SLC34A3: variants seen among roughly 807,000 people sequenced by gnomAD.
The protein encoded by SLC34A3 is sodium-dependent phosphate transport protein 2C.
SLC34A3 carries 60 observed loss-of-function variants against 43.9 expected under a neutral mutation model. The ratio of observed to expected loss-of-function variants is 1.37; its 90% CI spans 1.11 to 1.70. SLC34A3 has a LOEUF of 1.70. Ranked by LOEUF, SLC34A3 falls within the 40% of genes most tolerant of loss-of-function variation. The probability of loss-of-function intolerance (pLI) is 0.00; values close to 1 mark genes in which losing one functional copy is unlikely to be tolerated. For missense variants in SLC34A3, 969 were observed against 823.8 expected (o/e 1.18, Z -2.16); for synonymous variants, 451 against 386.2 (o/e 1.17, Z -1.97).
chr9:137,232,580 C>T lies in SLC34A3; in HGVS notation c.181C>T (p.Arg61Cys), dbSNP rs750340368. ...AGCCTGCCCTGTGTCCTCAGAGCTC[C>T]GCGTGGCCGGCAGGCTGCGCCGCGT... ...KDTSQPWKEL[R>C]VAGRLRRVAG... is the part of the protein sequence containing the mutation. Residue 61 changes from arginine (R) to cysteine (C), a missense_variant, in exon 4 of 13, where the codon CGC (arginine) becomes TGC (cysteine). By Grantham distance (180) the Arg-to-Cys change is radical. Coordinates refer to ENST00000673835, the MANE Select transcript of SLC34A3 (RefSeq NM_001177316.2). 1.5e-5 allele frequency: 24 copies of T among 1,608,924 alleles called. No individual in the cohort carries two copies. The highest frequency in any genetic ancestry group is 9.4e-5 in the African/African-American group (7 of 74,188).
At chr9:137,233,779 T>TTTG in intron 8 of SLC34A3, 57 bp downstream of exon 8, 1 of 1,445,804 alleles carries the variant, frequency 6.9e-7, no homozygotes. Flanking sequence ...TGCTGAGTCA[T>TTTG]CCCGCCCCAC....
intron 12 of SLC34A3, among the ~76,000 whole-genome samples, chr9:137,235,669 G>A (rs978458578): frequency 3.3e-5 from 5 of 152,202 alleles, no homozygotes; most frequent in African/African-American, 9.7e-5. Flanking sequence ...GAGCCAGGTC[G>A]GAAGGTGCTT....
intron 3 of SLC34A3, 147 bp from the exon 4 acceptor site, chr9:137,232,428 G>T: frequency 8.3e-7 from 1 of 1,204,988 alleles, no homozygotes; most frequent in Admixed American, 2.1e-5. Flanking sequence ...AGGAACCCGG[G>T]CCCTGCCCTG....
rs766680009 is a variant in SLC34A3, at chr9:137,234,456, C to A, written c.1134C>A (p.Ala378=). The change falls in exon 11 of 13, where the codon GCC becomes GCA. Residue 378 remains alanine, a synonymous_variant. Coordinates refer to ENST00000673835, the MANE Select transcript of SLC34A3 (RefSeq NM_001177316.2). This position sits in a 1 kb window ranked among gnomAD's most constrained non-coding sequence, Gnocchi z 6.9. The part of the protein sequence containing the change: ...FPLGWLGGYL[A]VLAGAGLTFA... Reference sequence around the variant, plus strand: ...TGGGCTGGCTCGGCGGCTACCTGGCCGTCCTCGCGGGCGCCGGCCTGACCT... The same window carrying A: ...TGGGCTGGCTCGGCGGCTACCTGGCAGTCCTCGCGGGCGCCGGCCTGACCT... The A allele has an allele frequency of 6.3e-7, 1 of 1,599,634 alleles. No homozygotes were observed. The highest frequency in any genetic ancestry group is 1.3e-5 in the African/African-American group (1 of 74,992).
At position 137,236,030 on chromosome 9, in the gene SLC34A3, C is replaced by T. The variant is rs767464924; in HGVS notation, c.1414C>T (p.Pro472Ser). Residue 472 changes from proline to serine, a missense_variant, in exon 13 of 13, where the codon CCG (proline) becomes TCG (serine). Physicochemically the swap from Pro to Ser is moderately conservative, Grantham distance 74. Transcript: ENST00000673835. ...YLVPALRLPIPLARHFGVVTA... is the reference protein window; with the variant it reads ...YLVPALRLPISLARHFGVVTA... The stretch of plus-strand genomic sequence containing the variant: ...GGTGCCTGCACTGCGGCTGCCCATC[C>T]CGCTGGCCAGGCACTTCGGGGTGGT... 6.8e-6 allele frequency: 11 copies of T among 1,612,654 alleles called. No individual in the cohort carries two copies. Among genetic ancestry groups the T allele is most frequent in the Non-Finnish European group, 9.3e-6 (11 of 1,179,878 alleles).
chr9:137,235,838 G>A lies in SLC34A3; in HGVS notation c.1336-114G>A, dbSNP rs573780514. 5.0e-5 allele frequency: 48 copies of A among 952,716 alleles called. No homozygotes were observed. In the Middle Eastern group the frequency reaches 9.9e-4, roughly 20 times the overall value. 59.0% of individuals were successfully genotyped at this position (952,716 alleles called of 1,614,324 possible). ...AGACGGCCATCTCATCCGTGAAGCAGGATGAACTTCAGACTTGGCGCTCCT... is the reference window on the plus strand; with the variant it reads ...AGACGGCCATCTCATCCGTGAAGCAAGATGAACTTCAGACTTGGCGCTCCT... On this transcript the variant is annotated intron_variant, in intron 12 of 12. Transcript: ENST00000673835.
chr9:137,234,563 G>A lies in SLC34A3; in HGVS notation c.1210+31G>A, dbSNP rs748774588. ...CAGGCAGGACAGAGGCCTCGGGAAC[G>A]GGGGCTCGGGCTGGGGTCCTGTGGT... On this transcript the variant is annotated intron_variant, in intron 11 of 12. Transcript: ENST00000673835. This position sits in a 1 kb window ranked among gnomAD's most constrained non-coding sequence, Gnocchi z 6.9. The A allele has an allele frequency of 1.6e-5, 25 of 1,609,568 alleles. No homozygotes were observed. The highest frequency in any genetic ancestry group is 5.5e-5 in the South Asian group (5 of 91,034).
At chr9:137,232,019 C>T in intron 2 of SLC34A3, 53 bp from the exon 3 acceptor site, 2 of 1,548,870 alleles carry the variant, frequency 1.3e-6, no homozygotes, top group Non-Finnish European at 1.8e-6. Flanking sequence ...CTTGTGCCCC[C>T]AGTTGGAGGG....
At chr9:137,230,409 C>T (rs1305906644), upstream of SLC34A3, among the ~76,000 whole-genome samples, 1 of 152,178 alleles carries the variant, frequency 6.6e-6, no homozygotes, top group South Asian at 2.1e-4. Flanking sequence ...TCCCCGGCTA[C>T]GTGAAAAAGC....
chr9:137,233,312 C>G lies in SLC34A3; in HGVS notation c.664C>G (p.Leu222Val). The G allele has an allele frequency of 6.3e-7, 1 of 1,599,300 alleles. No homozygotes were observed. The highest frequency in any genetic ancestry group is 8.5e-7 in the Non-Finnish European group (1 of 1,173,712). The stretch of plus-strand genomic sequence containing the variant: ...GGCCCTGCTGGAGAGGCTAAGTGAG[C>G]TAGCCCTGGGTGCCGCCAGCCTGAC... ...ATALLERLSE[L>V]ALGAASLTPR... The change falls in exon 7 of 13, where the codon CTA (leucine) becomes GTA (valine). Residue 222 changes from leucine to valine, a missense_variant. Leu to Val is a conservative substitution (Grantham distance 32). Coordinates refer to ENST00000673835, the MANE Select transcript of SLC34A3 (RefSeq NM_001177316.2).
In SLC34A3 at chr9:137,234,799, T is replaced by A; in HGVS notation, c.1335+68T>A. 1 of 1,596,586 alleles carries A rather than the reference T, an allele frequency of 6.3e-7. No individual in the cohort carries two copies. Among genetic ancestry groups the A allele is most frequent in the Non-Finnish European group, 8.5e-7 (1 of 1,178,456 alleles). ...TCTCAGCCCCACAGACAGGAGTGTG[T>A]CACCAGCCCCGGGGCCCTAGGCTGG... On this transcript the variant is annotated intron_variant, in intron 12 of 12. Transcript: ENST00000673835. The surrounding 1 kb of genome is among the most constrained non-coding windows in gnomAD (Gnocchi z 6.9).
rs773664099 is a variant in SLC34A3, at chr9:137,232,992, C to T, written c.449-12C>T. The T allele has an allele frequency of 4.3e-6, 7 of 1,610,568 alleles. No individual in the cohort carries two copies. Among genetic ancestry groups the T allele is most frequent in the Non-Finnish European group, 5.9e-6 (7 of 1,179,196 alleles). The stretch of plus-strand genomic sequence containing the variant: ...GGTGGGCCGCAGGCTGACTCAGCCC[C>T]CCCACCAGCAGTGCTGACTGTCCGG... On this transcript the variant is annotated splice_polypyrimidine_tract_variant and intron_variant, in intron 5 of 12. Coordinates refer to ENST00000673835, the MANE Select transcript of SLC34A3 (RefSeq NM_001177316.2).
rs369407365 is a variant in SLC34A3, at chr9:137,234,683, G to A, written c.1287G>A (p.Leu429=). The change falls in exon 12 of 13, where the codon CTG becomes CTA. Residue 429 remains leucine (L), a synonymous_variant. Coordinates refer to ENST00000673835, the MANE Select transcript of SLC34A3 (RefSeq NM_001177316.2). The surrounding 1 kb of genome is among the most constrained non-coding windows in gnomAD (Gnocchi z 6.9). ...ACATCGGCACCACTACCACAGCCCT[G>A]CTGGCTGCCCTGGCCAGCCCCGCAG... ...GSNIGTTTTA[L]LAALASPADR... is the part of the protein sequence containing the mutation. 8.1e-6 allele frequency: 13 copies of A among 1,612,124 alleles called. No individual in the cohort carries two copies. The highest frequency in any genetic ancestry group is 1.1e-5 in the Non-Finnish European group (13 of 1,179,860).
At chr9:137,230,978 G>A (rs567433947) in intron 1 of SLC34A3, 40 bp downstream of exon 1, 1 of 152,836 alleles carries the variant, frequency 6.5e-6, no homozygotes, top group East Asian at 1.9e-4. Flanking sequence ...CAGGGACAGT[G>A]AGGCCGAGGC....
chr9:137,233,779 T>TTGGGGGCCCCCCCCCCCCCCCCCCCC, intron 8 of SLC34A3, 57 bp downstream of exon 8: 2 of 1,445,770 alleles, frequency 1.4e-6, no homozygotes, highest in Non-Finnish European at 1.9e-6. Context: ...TGCTGAGTCA[T>TTGGGGGCCCCCCCCCCCCCCCCCCCC]CCCGCCCCAC....
In SLC34A3 at chr9:137,234,850, T is replaced by C. The variant is rs1836493092; in HGVS notation, c.1335+119T>C. ...CTGTGCCCCCGCCTTCCTGGACCCC[T>C]TCCCTGGCCGCCAGCCTCAGCCCTG... is the stretch of plus-strand genomic sequence containing the variant. On this transcript the variant is annotated intron_variant, in intron 12 of 12. Transcript: ENST00000673835. The surrounding 1 kb of genome is among the most constrained non-coding windows in gnomAD (Gnocchi z 6.9). The C allele has an allele frequency of 4.1e-6, 6 of 1,467,302 alleles. No individual in the cohort carries two copies. Among genetic ancestry groups the C allele is most frequent in the Non-Finnish European group, 5.6e-6 (6 of 1,073,000 alleles). The allele number at this position is 1,467,302 out of a possible 1,614,324, so 90.9% of individuals were successfully genotyped here. A position where few individuals can be genotyped will look rare whatever the true frequency, so the allele number is the denominator to read the frequency against.
intron 8 of SLC34A3, 57 bp downstream of exon 8, chr9:137,233,779 T>TCACCCCCCCCC: frequency 6.9e-7 from 1 of 1,445,826 alleles, no homozygotes; most frequent in Non-Finnish European, 9.6e-7. Flanking sequence ...TGCTGAGTCA[T>TCACCCCCCCCC]CCCGCCCCAC....
chr9:137,234,454 G>A lies in SLC34A3; in HGVS notation c.1132G>A (p.Ala378Thr). The A allele has an allele frequency of 6.3e-7, 1 of 1,599,432 alleles. No individual in the cohort carries two copies. Among genetic ancestry groups the A allele is most frequent in the South Asian group, 1.1e-5 (1 of 91,000 alleles). ...FPLGWLGGYL[A>T]VLAGAGLTFA... Reference sequence around the variant, plus strand: ...GCTGGGCTGGCTCGGCGGCTACCTGGCCGTCCTCGCGGGCGCCGGCCTGAC... The same window carrying A: ...GCTGGGCTGGCTCGGCGGCTACCTGACCGTCCTCGCGGGCGCCGGCCTGAC... The change falls in exon 11 of 13, where the codon GCC (alanine) becomes ACC (threonine). Residue 378 changes from alanine (A) to threonine (T), a missense_variant. Coordinates refer to ENST00000673835, the MANE Select transcript of SLC34A3 (RefSeq NM_001177316.2). The surrounding 1 kb of genome is among the most constrained non-coding windows in gnomAD (Gnocchi z 6.9).
At position 137,232,150 on chromosome 9, in the gene SLC34A3, A is replaced by C; in HGVS notation, c.164A>C (p.Gln55Pro). The C allele has an allele frequency of 6.2e-7, 1 of 1,613,078 alleles. No individual in the cohort carries two copies. Among genetic ancestry groups the C allele is most frequent in the South Asian group, 1.1e-5 (1 of 91,092 alleles). ...CTCCCTCAGCTGAAGGACACAAGCCAGCCCTGGAAAGGTGGGTCTGGAGGT... is the reference window on the plus strand; with the variant it reads ...CTCCCTCAGCTGAAGGACACAAGCCCGCCCTGGAAAGGTGGGTCTGGAGGT... Reference protein sequence around the residue: ...WTLPQLKDTSQPWKELRVAGR... With the variant: ...WTLPQLKDTSPPWKELRVAGR... Residue 55 changes from glutamine (Q) to proline (P), a missense_variant, in exon 3 of 13, where the codon CAG becomes CCG. Physicochemically the swap from Gln to Pro is moderately conservative, Grantham distance 76. Transcript: ENST00000673835.
Sources: allele counts gnomAD v4.1 joint callset (sites outside exome capture counted in the v4.1 genomes callset), GRCh38; gene constraint gnomAD v4.1.1; non-coding constraint Gnocchi (gnomAD v3.1); transcripts MANE v1.5; gene names NCBI Gene and HGNC (gene_info 2026-07-23, HGNC 2026-07-21).